PTPRD: variants seen among roughly 807,000 people sequenced by gnomAD.
The protein encoded by PTPRD is protein tyrosine phosphatase receptor type D.
Under a neutral mutation model 214.5 loss-of-function variants are expected in PTPRD, and 34 were observed. The ratio of observed to expected loss-of-function variants is 0.16; its 90% CI spans 0.12 to 0.21. The LOEUF (loss-of-function observed/expected upper bound fraction) is 0.21. Among genes scored for constraint, PTPRD ranks in the 10% least tolerant of loss-of-function variants. The probability of loss-of-function intolerance (pLI) is 1.00; values close to 1 mark genes in which losing one functional copy is unlikely to be tolerated. For missense variants in PTPRD, 2,545 were observed against 2,398.7 expected (o/e 1.06, Z -1.27); for synonymous variants, 1,128 against 845.7 (o/e 1.33, Z -5.79).
intron 8 of PTPRD, among the ~76,000 whole-genome samples, chr9:9,436,660 C>A (rs1023357943): frequency 2.0e-5 from 3 of 151,422 alleles, no homozygotes; most frequent in South Asian, 2.1e-4. Flanking sequence ...TCAAAAATGG[C>A]ACATTTCAGG....
At chr9:9,469,023 A>C (rs2146364546) in intron 8 of PTPRD, among the ~76,000 whole-genome samples, 1 of 152,306 alleles carries the variant, frequency 6.6e-6, no homozygotes, top group East Asian at 1.9e-4. Context: ...TCATAGCTTT[A>C]GATGACTAAG....
At chr9:8,939,029 A>G (rs1567128836) in intron 11 of PTPRD, among the ~76,000 whole-genome samples, 1 of 152,150 alleles carries the variant, frequency 6.6e-6, no homozygotes, top group Non-Finnish European at 1.5e-5. Context: ...ATTCCTGGAC[A>G]TCGGATGTTT....
intron 4 of PTPRD, among the ~76,000 whole-genome samples, chr9:10,027,018 T>A (rs1335232715): frequency 2.0e-5 from 3 of 152,236 alleles, no homozygotes; most frequent in Admixed American, 2.0e-4. Flanking sequence ...TCTGCAATAA[T>A]AAAGCATTTC....
At chr9:9,091,109 T>C in intron 10 of PTPRD, 1 of 1,422,174 alleles carries the variant, frequency 7.0e-7, no homozygotes, top group African/African-American at 1.4e-5. Context: ...TATGTGAAGC[T>C]ACATTACTGT....
chr9:10,058,606 T>C (rs1335845462), intron 3 of PTPRD, among the ~76,000 whole-genome samples: 1 of 152,130 alleles, frequency 6.6e-6, no homozygotes, highest in Non-Finnish European at 1.5e-5. Context: ...AGGATTAGAC[T>C]AAGGTGGTAG....
chr9:8,414,456 T>C (rs922712630), intron 35 of PTPRD, among the ~76,000 whole-genome samples: 1 of 152,204 alleles, frequency 6.6e-6, no homozygotes, highest in East Asian at 1.9e-4. Context: ...TTTATACAAT[T>C]AGTTGGCTAT....
intron 7 of PTPRD, among the ~76,000 whole-genome samples, chr9:9,592,443 C>T (rs932514907): frequency 3.9e-5 from 6 of 152,026 alleles, no homozygotes; most frequent in South Asian, 2.1e-4. Context: ...GAAGAGCAAA[C>T]TCCCAGTCTG....
intron 4 of PTPRD, among the ~76,000 whole-genome samples, chr9:10,029,675 T>G (rs188676217): frequency 6.6e-6 from 1 of 152,322 alleles, no homozygotes; most frequent in East Asian, 1.9e-4. Flanking sequence ...ACCTAGGAAG[T>G]AACTAATTTG....
intron 9 of PTPRD, among the ~76,000 whole-genome samples, chr9:9,184,662 T>A (rs1275273390): frequency 1.3e-5 from 2 of 152,084 alleles, no homozygotes; most frequent in East Asian, 3.9e-4. Context: ...TTAGCCTGTT[T>A]GGTTTATTAG....
At chr9:10,551,739 G>C (rs1032833706) in intron 2 of PTPRD, among the ~76,000 whole-genome samples, 5 of 152,118 alleles carry the variant, frequency 3.3e-5, no homozygotes, top group African/African-American at 7.2e-5. Context: ...AATGAACTAA[G>C]ACAACTTGCT....
intron 2 of PTPRD, among the ~76,000 whole-genome samples, chr9:10,372,313 T>C (rs2097642755): frequency 6.6e-6 from 1 of 152,094 alleles, no homozygotes; most frequent in African/African-American, 2.4e-5. Flanking sequence ...TTGCATTATT[T>C]GACAGGTTTT....
chr9:9,060,802 C>T (rs1481365863), intron 10 of PTPRD, among the ~76,000 whole-genome samples: 4 of 152,054 alleles, frequency 2.6e-5, no homozygotes, highest in Non-Finnish European at 5.9e-5. Flanking sequence ...TCAACAGTGT[C>T]ATGTGTCACA....
intron 8 of PTPRD, among the ~76,000 whole-genome samples, chr9:9,510,569 G>C (rs921790308): frequency 6.6e-6 from 1 of 150,620 alleles, no homozygotes; most frequent in Admixed American, 6.7e-5. Flanking sequence ...CAAAAAGAAT[G>C]CTTCTGCTTT....
At chr9:8,680,631 C>T (rs2097533181) in intron 12 of PTPRD, among the ~76,000 whole-genome samples, 1 of 152,130 alleles carries the variant, frequency 6.6e-6, no homozygotes, top group South Asian at 2.1e-4. Context: ...AATATACACA[C>T]ACAGCTACAA....
chr9:9,973,188 C>T (rs1429488033), intron 4 of PTPRD, among the ~76,000 whole-genome samples: 1 of 151,546 alleles, frequency 6.6e-6, no homozygotes. Context: ...TGTGGCTGGG[C>T]GCAGTGGCTC....
intron 11 of PTPRD, among the ~76,000 whole-genome samples, chr9:8,825,149 C>G (rs2097150469): frequency 6.6e-6 from 1 of 152,082 alleles, no homozygotes. Context: ...CCCAAGATAA[C>G]TTGTGGTTTC....
At chr9:10,455,896 T>C (rs1588568215) in intron 2 of PTPRD, among the ~76,000 whole-genome samples, 1 of 151,830 alleles carries the variant, frequency 6.6e-6, no homozygotes, top group East Asian at 1.9e-4. Flanking sequence ...TGCTAGGAAA[T>C]CACAAAATAA....
At position 8,846,949 on chromosome 9, in the gene PTPRD, A is replaced by C. The variant is rs2097708531; in HGVS notation, c.-103-113003T>G. On this transcript the variant is annotated intron_variant, in intron 11 of 45. Coordinates refer to ENST00000381196, the MANE Select transcript of PTPRD (RefSeq NM_002839.4). ...CATGCTGGCTGCAGAGCACAGAAGC[A>C]ACTACGGTGAGGTCAAAACCAAACA... 2.0e-5 allele frequency among the ~76,000 whole-genome samples: 3 copies of C among 152,174 alleles called. No individual in the cohort carries two copies. The South Asian group carries it at 6.2e-4, about 32-fold the overall frequency.
At chr9:10,537,762 T>C (rs778756359) in intron 2 of PTPRD, among the ~76,000 whole-genome samples, 35 of 152,254 alleles carry the variant, frequency 2.3e-4, no homozygotes, top group Non-Finnish European at 4.6e-4. Flanking sequence ...TATAATCTCA[T>C]AAAAGTTTCC....
Sources: allele counts gnomAD v4.1 joint callset (sites outside exome capture counted in the v4.1 genomes callset), GRCh38; gene constraint gnomAD v4.1.1; transcripts MANE v1.5; gene names NCBI Gene and HGNC (gene_info 2026-07-23, HGNC 2026-07-21).